Variants in DLG2 observed in about 807,000 individuals in gnomAD.
The protein encoded by DLG2 is disks large homolog 2.
A neutral mutation model predicts 132.5 loss-of-function variants in DLG2; 45 were observed. The observed-to-expected ratio is 0.34, with a 90% CI of 0.27 to 0.44. The LOEUF is 0.44. Ranked by LOEUF, DLG2 falls within the 20% of genes least tolerant of loss-of-function variation. The probability of loss-of-function intolerance (pLI) is 1.00; values close to 1 mark genes in which losing one functional copy is unlikely to be tolerated. For missense variants in DLG2, 1,045 were observed against 1,196.9 expected (o/e 0.87, Z 1.87); for synonymous variants, 424 against 419.6 (o/e 1.01, Z -0.13).
chr11:85,350,429 A>T (rs1180240014), intron 3 of DLG2, among the ~76,000 whole-genome samples: 2 of 151,988 alleles, frequency 1.3e-5, no homozygotes. Flanking sequence ...CCCATTTGTC[A>T]ATTTTAGCTT....
chr11:84,819,708 T>C (rs2077469032), intron 6 of DLG2, among the ~76,000 whole-genome samples: 1 of 151,908 alleles, frequency 6.6e-6, no homozygotes, highest in Non-Finnish European at 1.5e-5. Context: ...AGTTACCGCC[T>C]CACTGGGGAT....
chr11:84,371,313 C>T (rs1395320919), intron 7 of DLG2, among the ~76,000 whole-genome samples: 1 of 149,868 alleles, frequency 6.7e-6, no homozygotes, highest in Non-Finnish European at 1.5e-5. Flanking sequence ...ACAACAGTGG[C>T]ACAACCATGG....
chr11:84,177,783 A>G (rs986627447), intron 8 of DLG2, among the ~76,000 whole-genome samples: 1 of 152,138 alleles, frequency 6.6e-6, no homozygotes, highest in African/African-American at 2.4e-5. Flanking sequence ...ATTAGTGTAA[A>G]TTAATTTAAA....
intron 6 of DLG2, among the ~76,000 whole-genome samples, chr11:84,585,449 C>G: frequency 6.6e-6 from 1 of 152,106 alleles, no homozygotes; most frequent in East Asian, 1.9e-4. Flanking sequence ...GCCATGTACC[C>G]TCACCTGACT....
chr11:83,533,887 C>A (rs1050216849), intron 20 of DLG2, among the ~76,000 whole-genome samples: 1 of 151,918 alleles, frequency 6.6e-6, no homozygotes. Context: ...AAATAAACAA[C>A]CCTGGTCGAG....
At chr11:84,450,407 CT>C (rs34295402) in intron 7 of DLG2, among the ~76,000 whole-genome samples, 15,278 of 137,276 alleles carry the variant, frequency 0.11, 2,097 homozygotes, top group African/African-American at 0.33. Context: ...ACAAGAAGTA[CT>C]TTTTTTTTTT....
chr11:84,694,499 A>G (rs79625107), intron 6 of DLG2, among the ~76,000 whole-genome samples: 2,367 of 149,312 alleles, frequency 0.016, 65 homozygotes, highest in African/African-American at 0.056. Context: ...TGATGTAGGT[A>G]TTTTTTTTCT....
At chr11:85,103,381 G>T (rs907335519) in intron 6 of DLG2, among the ~76,000 whole-genome samples, 1 of 151,948 alleles carries the variant, frequency 6.6e-6, no homozygotes, top group Admixed American at 6.6e-5. Context: ...AATCAAGACA[G>T]TGTGGCACTG....
chr11:84,432,223 G>A (rs2098986881), intron 7 of DLG2, among the ~76,000 whole-genome samples: 4 of 152,198 alleles, frequency 2.6e-5, no homozygotes, highest in Admixed American at 2.0e-4. Flanking sequence ...GTGATTAGCT[G>A]GTTAGCCAAA....
intron 3 of DLG2, among the ~76,000 whole-genome samples, chr11:85,496,742 A>G (rs1374186710): frequency 6.6e-6 from 1 of 152,102 alleles, no homozygotes; most frequent in Non-Finnish European, 1.5e-5. Context: ...AGGCAGCAAT[A>G]TTTGCTGTTC....
At chr11:83,895,145 C>CTTTTTTTTTTTTTTTTTTTTTTT (rs11287512) in intron 15 of DLG2, among the ~76,000 whole-genome samples, 2 of 87,902 alleles carry the variant, frequency 2.3e-5, no homozygotes, top group African/African-American at 5.0e-5. Flanking sequence ...GAACTACTGT[C>CTTTTTTTTTTTTTTTTTTTTTTT]TTTTTTTTTT....
At chr11:84,838,346 C>T (rs2080099032) in intron 6 of DLG2, among the ~76,000 whole-genome samples, 1 of 151,348 alleles carries the variant, frequency 6.6e-6, no homozygotes, top group South Asian at 2.1e-4. Flanking sequence ...TGGGCTTAAG[C>T]TAGTGGATCC....
chr11:83,741,319 G>C (rs2092490455), intron 18 of DLG2, among the ~76,000 whole-genome samples: 1 of 152,036 alleles, frequency 6.6e-6, no homozygotes, highest in Non-Finnish European at 1.5e-5. Flanking sequence ...TCAGGGAAGA[G>C]AAAGAAATAA....
intron 18 of DLG2, among the ~76,000 whole-genome samples, chr11:83,699,921 TC>T (rs1222610834): frequency 1.5e-5 from 2 of 137,782 alleles, no homozygotes; most frequent in African/African-American, 2.8e-5. Flanking sequence ...ATCTTATCTA[TC>T]CCCCCACCAC....
intron 5 of DLG2, among the ~76,000 whole-genome samples, chr11:85,118,286 G>A (rs568388187): frequency 6.6e-6 from 1 of 152,038 alleles, no homozygotes; most frequent in Non-Finnish European, 1.5e-5. Flanking sequence ...AGGATGCTGA[G>A]AACAAGCGTT....
intron 11 of DLG2, among the ~76,000 whole-genome samples, chr11:83,992,828 T>G (rs2093798397): frequency 6.6e-6 from 1 of 152,154 alleles, no homozygotes; most frequent in South Asian, 2.1e-4. Context: ...AGTTCTCATC[T>G]TCCATTTACT....
At chr11:85,415,620 G>GA (rs1053191835) in intron 3 of DLG2, among the ~76,000 whole-genome samples, 2 of 151,998 alleles carry the variant, frequency 1.3e-5, no homozygotes, top group Non-Finnish European at 2.9e-5. Context: ...GTGTTGATGA[G>GA]TTTTTTTTCA....
At chr11:85,604,079 T>C (rs545139776) in intron 2 of DLG2, among the ~76,000 whole-genome samples, 1 of 152,314 alleles carries the variant, frequency 6.6e-6, no homozygotes, top group South Asian at 2.1e-4. Flanking sequence ...CCAATAACTA[T>C]AAAGGGAAAA....
intron 6 of DLG2, among the ~76,000 whole-genome samples, chr11:84,929,978 C>G (rs1486109420): frequency 6.6e-6 from 1 of 151,996 alleles, no homozygotes; most frequent in Non-Finnish European, 1.5e-5. Context: ...GTGTAAAAAG[C>G]CTACTCTTCT....
Sources: gnomAD v4.1 joint callset for allele counts (sites outside exome capture counted in the v4.1 genomes callset) on GRCh38, gnomAD v4.1.1 for gene constraint, MANE v1.5 for transcripts, NCBI Gene and HGNC (gene_info 2026-07-23, HGNC 2026-07-21) for gene names.